The following TXNL4A variants were observed in gnomAD, a reference collection of about 807,000 sequenced individuals.
TXNL4A encodes thioredoxin like 4A.
TXNL4A carries 17 observed loss-of-function variants against 14.6 expected under a neutral mutation model. The ratio of observed to expected loss-of-function variants is 1.16; its 90% CI spans 0.80 to 1.74. TXNL4A has a LOEUF of 1.74. TXNL4A is among the 40% of genes most tolerant of loss of function. The pLI is 0.00. For synonymous variants in TXNL4A, 83 were observed against 70.6 expected, an observed-to-expected ratio of 1.18 and a Z score of -0.88; for missense variants, 74 against 195.2, an observed-to-expected ratio of 0.38 and a Z score of 3.70.
At chr18:80,005,218 C>T (rs775639685) in intron 1 of TXNL4A, among the ~76,000 whole-genome samples, 1 of 152,224 alleles carries the variant, frequency 6.6e-6, no homozygotes, top group Non-Finnish European at 1.5e-5. Flanking sequence ...GCATTCTGGA[C>T]TCGAAGGTTG....
At position 79,973,475 on chromosome 18, in the gene TXNL4A, A is replaced by C. The variant is rs2145046820; in HGVS notation, c.*210T>G. ...CTTTGACTAGGAAAATCAGTAATCT[A>C]TTCATTAAGTTTCCTGAGAACAAAC... On this transcript the variant is annotated 3_prime_UTR_variant, in exon 3 of 3. Transcript: ENST00000269601. The C allele has an allele frequency of 5.9e-6, 3 of 505,580 alleles. No individual in the cohort carries two copies. The South Asian group carries it at 1.3e-4, about 21-fold the overall frequency. 31.3% of individuals were successfully genotyped at this position (505,580 alleles called of 1,614,324 possible).
intron 1 of TXNL4A, among the ~76,000 whole-genome samples, chr18:79,996,362 C>T (rs1180475205): frequency 3.3e-5 from 5 of 152,132 alleles, no homozygotes; most frequent in Admixed American, 1.3e-4. Context: ...TTAGAAACCC[C>T]ATACGTGAGA....
intron 1 of TXNL4A, among the ~76,000 whole-genome samples, chr18:80,002,669 C>T (rs1408753149): frequency 1.3e-5 from 2 of 152,194 alleles, no homozygotes; most frequent in Non-Finnish European, 1.5e-5. Context: ...GATGGCACCC[C>T]CATTCTAGGA....
chr18:79,999,461 G>A (rs190802304), intron 1 of TXNL4A, among the ~76,000 whole-genome samples: 4 of 151,226 alleles, frequency 2.6e-5, no homozygotes, highest in Admixed American at 6.6e-5. Context: ...GCTTGAACCC[G>A]GGAGGTGGAG....
chr18:79,986,601 C>A (rs868780697), intron 1 of TXNL4A: 23 of 985,458 alleles, frequency 2.3e-5, no homozygotes, highest in Middle Eastern at 5.2e-4. Context: ...TAAACACTTA[C>A]ATTAACACAT....
chr18:80,031,941 C>T (rs1056340421), intron 1 of TXNL4A, among the ~76,000 whole-genome samples: 1 of 152,186 alleles, frequency 6.6e-6, no homozygotes, highest in African/African-American at 2.4e-5. Context: ...CTGATCTGTC[C>T]TGTTTTTGCT....
chr18:80,019,331 A>T (rs1258558925), intron 1 of TXNL4A, among the ~76,000 whole-genome samples: 1 of 152,202 alleles, frequency 6.6e-6, no homozygotes, highest in Non-Finnish European at 1.5e-5. Context: ...GCAAGAGAAA[A>T]TGAGGAAGAA....
At position 79,980,332 on chromosome 18, in the gene TXNL4A, C is replaced by T. The variant is rs114466830; in HGVS notation, c.154-2631G>A. ...CCCCTCAGCTTGCAGCATCCTCTCACAGCAGTCACGGGAAATCAATGGGAT... is the reference window on the plus strand; with the variant it reads ...CCCCTCAGCTTGCAGCATCCTCTCATAGCAGTCACGGGAAATCAATGGGAT... On this transcript the variant is annotated intron_variant, in intron 1 of 2. Transcript: ENST00000269601. Among the ~76,000 whole-genome samples, 945 of 152,348 alleles carry T rather than the reference C, an allele frequency of 6.2e-3. 9 individuals are homozygous for T. The highest frequency in any genetic ancestry group is 0.021 in the African/African-American group (859 of 41,568).
intron 1 of TXNL4A, among the ~76,000 whole-genome samples, chr18:79,986,404 T>A (rs548197988): frequency 6.6e-6 from 1 of 151,820 alleles, no homozygotes; most frequent in East Asian, 1.9e-4. Flanking sequence ...CTATCCAAAT[T>A]TTTGGACAAA....
At chr18:79,979,777 T>C (rs1207866455) in intron 1 of TXNL4A, 3 of 152,246 alleles carry the variant, frequency 2.0e-5, no homozygotes, top group Admixed American at 6.5e-5. Context: ...CTGTGAACAT[T>C]TTCCCCCTTA....
intron 1 of TXNL4A, among the ~76,000 whole-genome samples, chr18:80,010,241 G>C (rs967715651): frequency 2.0e-5 from 3 of 152,152 alleles, no homozygotes; most frequent in Admixed American, 6.5e-5. Flanking sequence ...GTCCTGAATG[G>C]GGTGGCCACT....
chr18:79,999,724 A>G (rs1048620239), intron 1 of TXNL4A, among the ~76,000 whole-genome samples: 1 of 152,006 alleles, frequency 6.6e-6, no homozygotes, highest in African/African-American at 2.4e-5. Context: ...ACACTTAAAA[A>G]CATATGATAT....
In TXNL4A at chr18:79,970,915, G is replaced by C. The variant is rs74692517; in HGVS notation, c.*2770C>G. 0.016 allele frequency: 2,610 copies of C among 158,782 alleles called. 39 individuals are homozygous for C. Among genetic ancestry groups the C allele is most frequent in the Middle Eastern group, 0.043 (13 of 304 alleles). 9.8% of individuals were successfully genotyped at this position (158,782 alleles called of 1,614,324 possible). ...CACCAATTATGCAATTGACAGAATTGTACCATTATCACAATCTTAGGGCAC... is the reference window on the plus strand; with the variant it reads ...CACCAATTATGCAATTGACAGAATTCTACCATTATCACAATCTTAGGGCAC... On this transcript the variant is annotated 3_prime_UTR_variant, in exon 3 of 3. Coordinates refer to ENST00000269601, the MANE Select transcript of TXNL4A (RefSeq NM_006701.5).
At chr18:79,989,402 G>A (rs1951359198), upstream of TXNL4A, among the ~76,000 whole-genome samples, 2 of 152,058 alleles carry the variant, frequency 1.3e-5, no homozygotes, top group South Asian at 4.1e-4. Flanking sequence ...AAGCCACCGC[G>A]CCCGACCTAA....
At chr18:79,989,744 C>T (rs913255764), upstream of TXNL4A, among the ~76,000 whole-genome samples, 5 of 152,060 alleles carry the variant, frequency 3.3e-5, no homozygotes, top group Non-Finnish European at 5.9e-5. Context: ...CCTGTAATCC[C>T]AGCACTTTGG....
chr18:80,014,231 TC>T (rs548258735), intron 1 of TXNL4A, among the ~76,000 whole-genome samples: 43 of 151,694 alleles, frequency 2.8e-4, no homozygotes, highest in Admixed American at 2.5e-3. Flanking sequence ...TTCCCAACAG[TC>T]CCCCAAAGTC....
chr18:79,978,136 T>C (rs569212239), intron 1 of TXNL4A, among the ~76,000 whole-genome samples: 2 of 152,270 alleles, frequency 1.3e-5, no homozygotes, highest in South Asian at 4.1e-4. Flanking sequence ...CGCCTCACTT[T>C]ACCATCTCCC....
upstream of TXNL4A, among the ~76,000 whole-genome samples, chr18:79,989,048 G>A (rs2051603843): frequency 6.6e-6 from 1 of 152,236 alleles, no homozygotes; most frequent in Non-Finnish European, 1.5e-5. Flanking sequence ...AGGAAGCACT[G>A]GGCAGGCCGT....
At chr18:79,995,874 G>T (rs539748232) in intron 1 of TXNL4A, among the ~76,000 whole-genome samples, 3 of 151,872 alleles carry the variant, frequency 2.0e-5, no homozygotes, top group African/African-American at 7.3e-5. Context: ...AGGCTGAGGC[G>T]GGCAGATCAT....
Sources: allele counts gnomAD v4.1 joint callset (sites outside exome capture counted in the v4.1 genomes callset), GRCh38; gene constraint gnomAD v4.1.1; transcripts MANE v1.5; gene names NCBI Gene and HGNC (gene_info 2026-07-23, HGNC 2026-07-21).